SLC2A9: variants seen among roughly 807,000 people sequenced by gnomAD.
SLC2A9 encodes the protein solute carrier family 2 member 9, also known as solute carrier family 2, facilitated glucose transporter member 9.
Under a neutral mutation model 50.6 loss-of-function variants are expected in SLC2A9, and 39 were observed. The observed-to-expected ratio is 0.77, with a 90% CI of 0.60 to 1.01. The LOEUF is 1.01. SLC2A9 is among the 50% of genes least tolerant of loss of function. SLC2A9 has a pLI of 0.00. For missense variants in SLC2A9, 686 were observed against 677.6 expected (o/e 1.01, Z -0.14); for synonymous variants, 324 against 276.9 (o/e 1.17, Z -1.69).
chr4:9,901,418 T>A (rs1739590043), intron 8 of SLC2A9, among the ~76,000 whole-genome samples: 10 of 152,150 alleles, frequency 6.6e-5, no homozygotes, highest in Admixed American at 6.5e-4. Flanking sequence ...GTCAGTGTGA[T>A]GATTCACAGG....
chr4:9,788,068 C>T (rs1202850858), intron 3 of SLC2A9, among the ~76,000 whole-genome samples: 1 of 152,002 alleles, frequency 6.6e-6, no homozygotes, highest in Non-Finnish European at 1.5e-5. Flanking sequence ...CTGTGGTTGT[C>T]AAATAGTGTT....
intron 5 of SLC2A9, among the ~76,000 whole-genome samples, chr4:9,946,372 A>C (rs16891239): frequency 0.016 from 2,466 of 152,326 alleles, 73 homozygotes; most frequent in African/African-American, 0.056. Context: ...ATGAATCAGC[A>C]AAAAATGTTT....
At chr4:10,009,947 G>T (rs1378184952) in intron 2 of SLC2A9, among the ~76,000 whole-genome samples, 1 of 152,192 alleles carries the variant, frequency 6.6e-6, no homozygotes, top group African/African-American at 2.4e-5. Flanking sequence ...CTGGTTCTTG[G>T]GATGTAGCCT....
At chr4:9,993,946 T>TG (rs1462918151) in intron 3 of SLC2A9, among the ~76,000 whole-genome samples, 1 of 152,182 alleles carries the variant, frequency 6.6e-6, no homozygotes, top group Non-Finnish European at 1.5e-5. Flanking sequence ...GAGCAGCCAG[T>TG]GACCAGCCCC....
intron 7 of SLC2A9, among the ~76,000 whole-genome samples, chr4:9,915,333 G>A (rs565790999): frequency 6.6e-6 from 1 of 152,336 alleles, no homozygotes; most frequent in East Asian, 1.9e-4. Context: ...TGCCTCCTGG[G>A]TTCAAGTGAT....
At chr4:9,792,162 TC>T (rs1402358521) in intron 3 of SLC2A9, among the ~76,000 whole-genome samples, 6 of 122,118 alleles carry the variant, frequency 4.9e-5, no homozygotes, top group African/African-American at 1.7e-4. Flanking sequence ...ATTCTATGTT[TC>T]TTTTTTTTTT....
intron 3 of SLC2A9, among the ~76,000 whole-genome samples, chr4:9,819,578 T>C (rs987408017): frequency 4.6e-5 from 7 of 152,260 alleles, no homozygotes; most frequent in Admixed American, 3.9e-4. Context: ...TGGATATGTG[T>C]GTGAGAAAAA....
At chr4:9,853,571 C>A (rs1730293333) in intron 10 of SLC2A9, among the ~76,000 whole-genome samples, 1 of 152,204 alleles carries the variant, frequency 6.6e-6, no homozygotes, top group South Asian at 2.1e-4. Context: ...CAACACCCCA[C>A]TGACAGTATC....
chr4:9,945,434 T>C (rs533158325), intron 5 of SLC2A9, among the ~76,000 whole-genome samples: 2 of 152,174 alleles, frequency 1.3e-5, no homozygotes, highest in African/African-American at 4.8e-5. Context: ...GCACATTGGA[T>C]AGTTCATCTC....
At chr4:9,786,024 G>C (rs1365683029) in intron 3 of SLC2A9, among the ~76,000 whole-genome samples, 1 of 152,214 alleles carries the variant, frequency 6.6e-6, no homozygotes, top group Non-Finnish European at 1.5e-5. Flanking sequence ...AATTCAGGCG[G>C]AGGGAGTGGC....
chr4:9,783,589 G>GT (rs1718824434), intron 3 of SLC2A9: 1 of 934,642 alleles, frequency 1.1e-6, no homozygotes, highest in Non-Finnish European at 1.6e-6. Flanking sequence ...GTAGTAGCTC[G>GT]TGTGCTTAGA....
intron 3 of SLC2A9, among the ~76,000 whole-genome samples, chr4:9,784,802 C>T (rs1472721360): frequency 6.6e-6 from 1 of 152,192 alleles, no homozygotes; most frequent in Non-Finnish European, 1.5e-5. Flanking sequence ...TATGCAATTT[C>T]TTGCAAGTCC....
intron 10 of SLC2A9, among the ~76,000 whole-genome samples, chr4:9,835,971 CGGCTACTCGAGA>C (rs1727012270): frequency 6.6e-6 from 1 of 150,632 alleles, no homozygotes; most frequent in East Asian, 2.0e-4. Flanking sequence ...CTTGTTATCC[CGGCTACTCGAGA>C]GGCTGAGGCA....
At position 9,945,969 on chromosome 4, in the gene SLC2A9, C is replaced by G. The variant is rs78676381; in HGVS notation, c.682-3924G>C. On this transcript the variant is annotated intron_variant, in intron 5 of 11. Transcript: ENST00000264784. ...GGCCTCTGAGTGTCTTTTTCAGGTG[C>G]TGTTCAAAAAGGAAGGCATGTTTTA... Among the ~76,000 whole-genome samples the G allele has an allele frequency of 6.6e-3, 1,008 of 152,278 alleles. 8 individuals are homozygous for G. Among genetic ancestry groups the G allele is most frequent in the African/African-American group, 0.023 (967 of 41,540 alleles).
chr4:9,882,704 G>C (rs1577682171), intron 10 of SLC2A9, among the ~76,000 whole-genome samples: 1 of 115,230 alleles, frequency 8.7e-6, no homozygotes, highest in African/African-American at 3.0e-5. Context: ...GTGAGACTCT[G>C]TCTCAAGAAA....
intron 10 of SLC2A9, among the ~76,000 whole-genome samples, chr4:9,857,636 G>A (rs996983313): frequency 3.3e-5 from 5 of 152,256 alleles, no homozygotes; most frequent in African/African-American, 9.6e-5. Flanking sequence ...CTTCCTGTGA[G>A]ATGATGCAGT....
At chr4:9,901,404 A>G (rs1459219030) in intron 8 of SLC2A9, among the ~76,000 whole-genome samples, 3 of 152,124 alleles carry the variant, frequency 2.0e-5, no homozygotes, top group Non-Finnish European at 2.9e-5. Flanking sequence ...GTTCTAGAGC[A>G]CATGTCAGTG....
intron 2 of SLC2A9, among the ~76,000 whole-genome samples, chr4:10,000,972 T>C (rs919434280): frequency 6.6e-6 from 1 of 152,156 alleles, no homozygotes; most frequent in Non-Finnish European, 1.5e-5. Context: ...GTATCTAACC[T>C]CACACCTCCA....
At chr4:9,933,037 C>A (rs1240622829) in intron 6 of SLC2A9, among the ~76,000 whole-genome samples, 1 of 152,216 alleles carries the variant, frequency 6.6e-6, no homozygotes, top group Admixed American at 6.5e-5. Context: ...AGCATCTGCC[C>A]TGCTGCCACA....
Sources: gnomAD v4.1 joint callset for allele counts (sites outside exome capture counted in the v4.1 genomes callset) on GRCh38, gnomAD v4.1.1 for gene constraint, MANE v1.5 for transcripts, NCBI Gene and HGNC (gene_info 2026-07-23, HGNC 2026-07-21) for gene names.